Variants in RBPJ observed in about 807,000 individuals in gnomAD.
RBPJ encodes the protein recombination signal binding protein for immunoglobulin kappa J region.
RBPJ carries 9 observed loss-of-function variants against 67.8 expected under a neutral mutation model. The observed-to-expected ratio is 0.13, with a 90% CI of 0.08 to 0.23. RBPJ has a LOEUF of 0.23. RBPJ is among the 10% of genes least tolerant of loss of function. The pLI, the probability that RBPJ is intolerant of heterozygous loss-of-function variation, is 1.00. For missense variants in RBPJ, 305 were observed against 595.6 expected, an observed-to-expected ratio of 0.51 and a Z score of 5.08; for synonymous variants, 198 against 203.3, an observed-to-expected ratio of 0.97 and a Z score of 0.22.
At chr4:26,244,329 A>G (rs1292980191) in intron 1 of RBPJ, among the ~76,000 whole-genome samples, 2 of 69,134 alleles carry the variant, frequency 2.9e-5, no homozygotes, top group Non-Finnish European at 6.1e-5. Flanking sequence ...ATGTATACAC[A>G]TATGTGTACA....
chr4:26,425,649 C>G (rs542821878), intron 7 of RBPJ, among the ~76,000 whole-genome samples: 1 of 152,268 alleles, frequency 6.6e-6, no homozygotes, highest in East Asian at 1.9e-4. Flanking sequence ...GTAAAAACTA[C>G]TTTTGTTAGT....
At chr4:26,120,225 A>G in the RBPJ span, among the ~76,000 whole-genome samples, 4 of 152,352 alleles carry the variant, frequency 2.6e-5, no homozygotes, top group African/African-American at 9.6e-5. Flanking sequence ...CAGAAAATCA[A>G]TAATAAAACT....
At chr4:26,213,968 T>C (rs1718525211) in intron 1 of RBPJ, among the ~76,000 whole-genome samples, 1 of 151,886 alleles carries the variant, frequency 6.6e-6, no homozygotes, top group Non-Finnish European at 1.5e-5. Flanking sequence ...AAGTCTTGGG[T>C]TTGCACAATG....
At chr4:26,407,288 ACTC>A (rs1255140503) in intron 3 of RBPJ, among the ~76,000 whole-genome samples, 2 of 151,780 alleles carry the variant, frequency 1.3e-5, no homozygotes, top group Admixed American at 6.6e-5. Flanking sequence ...TATAAAGAAA[ACTC>A]CTGGCCCTCT....
intron 1 of RBPJ, among the ~76,000 whole-genome samples, chr4:26,212,703 G>A (rs901383674): frequency 2.6e-5 from 4 of 151,984 alleles, no homozygotes; most frequent in Non-Finnish European, 4.4e-5. Context: ...TGCCCCATAC[G>A]CAGCAGAAAG....
chr4:26,257,785 T>C (rs1017563544), intron 1 of RBPJ, among the ~76,000 whole-genome samples: 1 of 152,226 alleles, frequency 6.6e-6, no homozygotes, highest in African/African-American at 2.4e-5. Flanking sequence ...CCCTGCCTTC[T>C]TGATACTAGT....
intron 1 of RBPJ, among the ~76,000 whole-genome samples, chr4:26,206,795 G>A (rs1274412734): frequency 3.3e-5 from 5 of 149,776 alleles, no homozygotes; most frequent in East Asian, 1.9e-4. Context: ...CCTCCTTCAC[G>A]GGTTTTCGCA....
At chr4:26,305,972 G>A (rs528620306) in intron 1 of RBPJ, among the ~76,000 whole-genome samples, 1 of 151,264 alleles carries the variant, frequency 6.6e-6, no homozygotes, top group African/African-American at 2.4e-5. Context: ...TTTTAGTACA[G>A]ATGGGGTTTC....
rs1736462042 is a variant in RBPJ, at chr4:26,433,989, A to G, written c.*2982A>G. The G allele has an allele frequency of 2.6e-5, 4 of 152,328 alleles. No homozygotes were observed. The South Asian group carries it at 8.3e-4, about 32-fold the overall frequency. 9.4% of individuals were successfully genotyped at this position (152,328 alleles called of 1,614,324 possible). ...ATGCTCTCATGACTATGCAGTTTCTAAACATACACATAGAAGCTGAGTCTC... is the reference window on the plus strand; with the variant it reads ...ATGCTCTCATGACTATGCAGTTTCTGAACATACACATAGAAGCTGAGTCTC... On this transcript the variant is annotated 3_prime_UTR_variant, in exon 11 of 11. Transcript: ENST00000355476.
chr4:26,176,317 A>G (rs1423751000), intron 1 of RBPJ, among the ~76,000 whole-genome samples: 1 of 152,314 alleles, frequency 6.6e-6, no homozygotes, highest in East Asian at 1.9e-4. Flanking sequence ...TGTGAGTGAT[A>G]GAGCGGAGAC....
At position 26,431,125 on chromosome 4, in the gene RBPJ, AC is replaced by A. The variant is rs1262866526; in HGVS notation, c.*119del. On this transcript the variant is annotated 3_prime_UTR_variant, in exon 11 of 11. Transcript: ENST00000355476. ...GGGAAAACTTTTCATACCAGGTGAT[AC>A]TATTCAAAAACCCCGTTGTCTCCCT... The A allele has an allele frequency of 2.7e-6, 2 of 748,284 alleles. No homozygotes were observed. The highest frequency in any genetic ancestry group is 3.6e-5 in the African/African-American group (2 of 55,002). 46.4% of individuals were successfully genotyped at this position (748,284 alleles called of 1,614,324 possible). A position where few individuals can be genotyped will look rare whatever the true frequency, so the allele number is the denominator to read the frequency against.
chr4:26,160,630 G>C (rs1037558570), upstream of RBPJ, among the ~76,000 whole-genome samples: 23 of 152,314 alleles, frequency 1.5e-4, no homozygotes, highest in Admixed American at 1.5e-3. Context: ...GAGATGGTCT[G>C]CTCTTCTCTC....
intron 1 of RBPJ, among the ~76,000 whole-genome samples, chr4:26,339,717 A>G (rs1460757700): frequency 6.6e-6 from 1 of 151,770 alleles, no homozygotes; most frequent in Non-Finnish European, 1.5e-5. Flanking sequence ...AGAGCATTCA[A>G]AAAGTTACAT....
chr4:26,407,431 A>G lies in RBPJ; in HGVS notation c.155+1161A>G, dbSNP rs193258515. Among the ~76,000 whole-genome samples the G allele has an allele frequency of 1.4e-4, 21 of 152,360 alleles. 1 individual carries two copies. The East Asian group carries it at 4.0e-3, about 29-fold the overall frequency. ...AGTAGATTAACCAAAATTAAATTACAACAAGGTGATTTTTAAAAAATTATT... is the reference window on the plus strand; with the variant it reads ...AGTAGATTAACCAAAATTAAATTACGACAAGGTGATTTTTAAAAAATTATT... On this transcript the variant is annotated intron_variant, in intron 3 of 10. Transcript: ENST00000355476.
chr4:26,409,131 G>A (rs1169959868), intron 3 of RBPJ, among the ~76,000 whole-genome samples: 1 of 152,166 alleles, frequency 6.6e-6, no homozygotes, highest in East Asian at 1.9e-4. Flanking sequence ...TATGCAAAAG[G>A]ACCTTTACTA....
intron 1 of RBPJ, among the ~76,000 whole-genome samples, chr4:26,225,811 G>A (rs1314938758): frequency 6.6e-6 from 1 of 151,856 alleles, no homozygotes. Context: ...TAATAAAATA[G>A]AAGCAGGATA....
At chr4:26,386,416 T>A in intron 2 of RBPJ, 25 bp downstream of exon 2, 1 of 1,498,008 alleles carries the variant, frequency 6.7e-7, no homozygotes, top group Non-Finnish European at 9.2e-7. Context: ...AGTCAGCTTT[T>A]TACACATACA....
chr4:26,421,314 T>C (rs534134287), intron 5 of RBPJ, among the ~76,000 whole-genome samples: 6 of 152,242 alleles, frequency 3.9e-5, no homozygotes, highest in African/African-American at 1.4e-4. Flanking sequence ...CTTTTCTTTT[T>C]TTTTTTGAGA....
chr4:26,209,881 C>T (rs1718324084), intron 1 of RBPJ, among the ~76,000 whole-genome samples: 1 of 149,006 alleles, frequency 6.7e-6, no homozygotes, highest in Non-Finnish European at 1.5e-5. Flanking sequence ...CTCTCCCTTC[C>T]TTGCTTTTTC....
Sources: allele counts gnomAD v4.1 joint callset (sites outside exome capture counted in the v4.1 genomes callset), GRCh38; gene constraint gnomAD v4.1.1; transcripts MANE v1.5; gene names NCBI Gene and HGNC (gene_info 2026-07-23, HGNC 2026-07-21).